The following SLF1 variants were observed in gnomAD, a reference collection of about 807,000 sequenced individuals.
The protein encoded by SLF1 is SMC5/6 complex localization factor 1.
SLF1 carries 105 observed loss-of-function variants against 123.0 expected under a neutral mutation model. The ratio of observed to expected loss-of-function variants is 0.85; its 90% CI spans 0.73 to 1.00. The LOEUF is 1.00. Ranked by LOEUF, SLF1 falls within the 50% of genes least tolerant of loss-of-function variation. The probability of loss-of-function intolerance (pLI) is 0.00; values close to 1 mark genes in which losing one functional copy is unlikely to be tolerated. For synonymous variants in SLF1, 434 were observed against 406.6 expected (o/e 1.07, Z -0.81); for missense variants, 1,239 against 1,223.0 (o/e 1.01, Z -0.20).
At chr5:94,629,357 G>A (rs767721440) in intron 3 of SLF1, among the ~76,000 whole-genome samples, 190 bp downstream of exon 3, 1 of 151,872 alleles carries the variant, frequency 6.6e-6, no homozygotes, top group Non-Finnish European at 1.5e-5. Context: ...CATGAAAAAT[G>A]TATTAAATAG....
chr5:94,674,789 A>T (rs377707957), intron 14 of SLF1, among the ~76,000 whole-genome samples: 4 of 152,218 alleles, frequency 2.6e-5, no homozygotes, highest in African/African-American at 9.6e-5. Context: ...CAAAGAGCAG[A>T]GGTGGGCTGT....
intron 20 of SLF1, among the ~76,000 whole-genome samples, chr5:94,694,481 T>A (rs917885214): frequency 2.0e-5 from 3 of 151,880 alleles, no homozygotes; most frequent in African/African-American, 7.2e-5. Context: ...TTGTATAGAA[T>A]TTATAAGATG....
chr5:94,648,180 A>T (rs550037114), intron 5 of SLF1, among the ~76,000 whole-genome samples: 2 of 152,258 alleles, frequency 1.3e-5, no homozygotes, highest in South Asian at 4.1e-4. Context: ...ATTGTTGTTG[A>T]TACATTCTTT....
chr5:94,672,481 C>T lies in SLF1; in HGVS notation c.1827+1473C>T, dbSNP rs542587319. Among the ~76,000 whole-genome samples the T allele has an allele frequency of 1.2e-4, 18 of 151,792 alleles. 1 individual carries two copies. Among genetic ancestry groups the T allele is most frequent in the Admixed American group, 7.9e-4 (12 of 15,250 alleles). On this transcript the variant is annotated intron_variant, in intron 14 of 20. Coordinates refer to ENST00000265140, the MANE Select transcript of SLF1 (RefSeq NM_032290.4). ...TCTTTCTCTCCCTCTACCATTTCCCCTGTCCTCCTCTTTCTCCCTCTTCCC... is the reference window on the plus strand; with the variant it reads ...TCTTTCTCTCCCTCTACCATTTCCCTTGTCCTCCTCTTTCTCCCTCTTCCC...
At chr5:94,661,655 C>G (rs1296288813) in intron 9 of SLF1, among the ~76,000 whole-genome samples, 1 of 151,964 alleles carries the variant, frequency 6.6e-6, no homozygotes, top group Non-Finnish European at 1.5e-5. Flanking sequence ...CTGCCTCAGC[C>G]TCCTGAGAGT....
intron 1 of SLF1, among the ~76,000 whole-genome samples, chr5:94,623,481 CT>C (rs926547778): frequency 1.5e-4 from 23 of 150,298 alleles, no homozygotes; most frequent in Non-Finnish European, 2.4e-4. Context: ...CTCTTTTTTG[CT>C]TTTTTTTTCC....
chr5:94,675,510 G>A (rs1164081147), intron 14 of SLF1, among the ~76,000 whole-genome samples: 1 of 152,098 alleles, frequency 6.6e-6, no homozygotes, highest in Non-Finnish European at 1.5e-5. Context: ...GAATAGCATC[G>A]TTGATGTATT....
At chr5:94,625,597 G>T (rs1167592637) in intron 1 of SLF1, among the ~76,000 whole-genome samples, 1 of 151,898 alleles carries the variant, frequency 6.6e-6, no homozygotes, top group Non-Finnish European at 1.5e-5. Context: ...TGGCCAGGCT[G>T]GTCTCGAACT....
chr5:94,669,239 T>G (rs1044018974), intron 12 of SLF1, among the ~76,000 whole-genome samples: 2 of 152,146 alleles, frequency 1.3e-5, no homozygotes, highest in Admixed American at 6.5e-5. Flanking sequence ...AAAGACTGAT[T>G]AACTATGTGG....
chr5:94,694,873 C>CAA lies in SLF1; in HGVS notation c.2738_2739insAA (p.Leu914ThrfsTer20). The CAA allele has an allele frequency of 6.2e-7, 1 of 1,603,882 alleles. No individual in the cohort carries two copies. On this transcript the variant is annotated frameshift_variant, in exon 21 of 21. Transcript: ENST00000265140. LOFTEE classifies it high-confidence loss of function. ...CAGAGGAATGCTAAGGGAGAATTGC[C>CAA]CTTGGATTATGTGGTTTCACCTCAA...
intron 11 of SLF1, among the ~76,000 whole-genome samples, chr5:94,664,110 G>A (rs1191523723): frequency 1.3e-5 from 2 of 151,780 alleles, no homozygotes; most frequent in East Asian, 3.9e-4. Context: ...TTTAGCTAAT[G>A]ATTTTCTCAG....
chr5:94,622,787 C>G (rs1416094587), intron 1 of SLF1, among the ~76,000 whole-genome samples: 1 of 151,944 alleles, frequency 6.6e-6, no homozygotes, highest in African/African-American at 2.4e-5. Flanking sequence ...TGATACCATA[C>G]AATTTATTTC....
At chr5:94,681,390 CCAGGTGCTGGGATTA>C (rs1264778765) in intron 15 of SLF1, among the ~76,000 whole-genome samples, 1 of 152,202 alleles carries the variant, frequency 6.6e-6, no homozygotes, top group African/African-American at 2.4e-5. Context: ...CCTCGGCTTC[CCAGGTGCTGGGATTA>C]CAGGTGTGAA....
intron 4 of SLF1, among the ~76,000 whole-genome samples, chr5:94,632,659 C>G (rs1169396504): frequency 6.6e-6 from 1 of 151,732 alleles, no homozygotes; most frequent in Non-Finnish European, 1.5e-5. Flanking sequence ...ATTTGCTTTT[C>G]TCCTTTATTT....
At chr5:94,619,526 A>T (rs1032864085) in intron 1 of SLF1, among the ~76,000 whole-genome samples, 9 of 152,118 alleles carry the variant, frequency 5.9e-5, no homozygotes, top group Non-Finnish European at 1.0e-4. Flanking sequence ...CGGGTACTTC[A>T]TATCATTATT....
At chr5:94,652,919 G>A (rs972813142) in intron 7 of SLF1, among the ~76,000 whole-genome samples, 5 of 152,084 alleles carry the variant, frequency 3.3e-5, no homozygotes, top group African/African-American at 4.8e-5. Flanking sequence ...GTGCAATGGC[G>A]CAATCTCAGC....
chr5:94,662,823 T>C (rs1749291185), intron 10 of SLF1, among the ~76,000 whole-genome samples: 1 of 152,260 alleles, frequency 6.6e-6, no homozygotes, highest in South Asian at 2.1e-4. Context: ...CTTGTTTCCT[T>C]GTTTATTCTT....
In SLF1 at chr5:94,635,057, C is replaced by A. The variant is rs146603971; in HGVS notation, c.431+4314C>A. Among the ~76,000 whole-genome samples, 4 of 152,196 alleles carry A rather than the reference C, an allele frequency of 2.6e-5. No homozygotes were observed. The East Asian group carries it at 7.7e-4, about 29-fold the overall frequency. ...TTTTAGTTTTATGTAACCTCACTTT[C>A]CTGTTTTTGTTTTTGTTGGCTGAGC... On this transcript the variant is annotated intron_variant, in intron 4 of 20. Coordinates refer to ENST00000265140, the MANE Select transcript of SLF1 (RefSeq NM_032290.4).
At chr5:94,663,519 C>T (rs1749378070) in intron 10 of SLF1, among the ~76,000 whole-genome samples, 1 of 152,206 alleles carries the variant, frequency 6.6e-6, no homozygotes, top group Non-Finnish European at 1.5e-5. Flanking sequence ...TGGCACGCAT[C>T]CATAGGCCCA....
Sources: gnomAD v4.1 joint callset for allele counts (sites outside exome capture counted in the v4.1 genomes callset) on GRCh38, gnomAD v4.1.1 for gene constraint, MANE v1.5 for transcripts, NCBI Gene and HGNC (gene_info 2026-07-23, HGNC 2026-07-21) for gene names.